The following AXIN1 variants were observed in gnomAD, a reference collection of about 807,000 sequenced individuals.
AXIN1 encodes the protein axin-1.
Under a neutral mutation model 76.4 loss-of-function variants are expected in AXIN1, and 30 were observed. That is an observed-to-expected ratio of 0.39 (90% CI 0.29 to 0.53). The LOEUF is 0.53. AXIN1 is among the 20% of genes least tolerant of loss of function. AXIN1 has a pLI of 0.66. For synonymous variants in AXIN1, 545 were observed against 501.4 expected (o/e 1.09, Z -1.16); for missense variants, 1,140 against 1,198.8 (o/e 0.95, Z 0.72).
At chr16:347,575 A>G (rs1408881128) in intron 1 of AXIN1, among the ~76,000 whole-genome samples, 1 of 152,226 alleles carries the variant, frequency 6.6e-6, no homozygotes, top group African/African-American at 2.4e-5. Context: ...TCAGAGAGAA[A>G]GGAAGGTGCG....
At chr16:352,073 A>C (rs1350461693) in intron 1 of AXIN1, among the ~76,000 whole-genome samples, 1 of 151,032 alleles carries the variant, frequency 6.6e-6, no homozygotes, top group East Asian at 2.0e-4. Flanking sequence ...GGACAGCCGG[A>C]CTCCCGCCGA....
chr16:345,261 A>G (rs1021094861), intron 2 of AXIN1, among the ~76,000 whole-genome samples: 19 of 152,108 alleles, frequency 1.2e-4, no homozygotes. Flanking sequence ...GGACTACACA[A>G]CAGCACCAAC....
chr16:311,282 G>A (rs1030265846), intron 3 of AXIN1, among the ~76,000 whole-genome samples: 4 of 151,540 alleles, frequency 2.6e-5, no homozygotes, highest in East Asian at 2.0e-4. Context: ...CGCCTGCCTC[G>A]GCCTCCCAAA....
At position 324,368 on chromosome 16, in the gene AXIN1, G is replaced by A. The variant is rs145826757; in HGVS notation, c.879-9685C>T. Among the ~76,000 whole-genome samples the A allele has an allele frequency of 2.6e-3, 402 of 152,288 alleles. 6 individuals are homozygous for A. The highest frequency in any genetic ancestry group is 8.9e-3 in the African/African-American group (371 of 41,554). On this transcript the variant is annotated intron_variant, in intron 2 of 10. Transcript: ENST00000262320. ...GGCCGGAATGCGGGTGCATAGAAACGGCTGGAAGCAGCGCAGGGCAGAAGC... is the reference window on the plus strand; with the variant it reads ...GGCCGGAATGCGGGTGCATAGAAACAGCTGGAAGCAGCGCAGGGCAGAAGC...
At chr16:315,956 G>A (rs1478530437) in intron 2 of AXIN1, among the ~76,000 whole-genome samples, 1 of 152,052 alleles carries the variant, frequency 6.6e-6, no homozygotes, top group Admixed American at 6.6e-5. Flanking sequence ...GGGAGGCTGA[G>A]GCAAGAGAAT....
At chr16:338,412 T>G (rs547216335) in intron 2 of AXIN1, among the ~76,000 whole-genome samples, 1 of 152,208 alleles carries the variant, frequency 6.6e-6, no homozygotes, top group African/African-American at 2.4e-5. Context: ...CCACTGGCTG[T>G]CTGCAAAGTG....
chr16:351,594 T>C (rs539421493), intron 1 of AXIN1, among the ~76,000 whole-genome samples: 4 of 149,304 alleles, frequency 2.7e-5, no homozygotes, highest in South Asian at 2.1e-4. Context: ...TGGGCTACAG[T>C]GCGAGACTCC....
chr16:313,340 C>T (rs1483786118), intron 3 of AXIN1, among the ~76,000 whole-genome samples: 8 of 152,154 alleles, frequency 5.3e-5, no homozygotes, highest in African/African-American at 1.4e-4. Flanking sequence ...ACAGTGGGAC[C>T]ATCACTTAAA....
chr16:297,347 G>A (rs960283659), intron 6 of AXIN1, 121 bp from the exon 7 acceptor site: 3 of 1,325,086 alleles, frequency 2.3e-6, no homozygotes, highest in Non-Finnish European at 3.2e-6. Flanking sequence ...GCCGCCCGCT[G>A]TCCCCTGCCC....
chr16:295,679 C>T (rs1038170949), intron 7 of AXIN1, among the ~76,000 whole-genome samples: 25 of 152,190 alleles, frequency 1.6e-4, no homozygotes, highest in African/African-American at 4.1e-4. Flanking sequence ...AAAAAGGATT[C>T]GGCCGGGCAC....
intron 4 of AXIN1, among the ~76,000 whole-genome samples, chr16:304,901 TCCC>T (rs2052978173): frequency 6.6e-6 from 1 of 152,138 alleles, no homozygotes; most frequent in South Asian, 2.1e-4. Context: ...TTCCTCACGG[TCCC>T]CCTTTTCGTG....
At chr16:321,090 A>G (rs911439059) in intron 2 of AXIN1, among the ~76,000 whole-genome samples, 1 of 152,160 alleles carries the variant, frequency 6.6e-6, no homozygotes, top group African/African-American at 2.4e-5. Flanking sequence ...TGCCACCCAG[A>G]ACATGGGAAG....
chr16:304,581 C>A, intron 4 of AXIN1, 140 bp from the exon 5 acceptor site: 1 of 1,355,568 alleles, frequency 7.4e-7, no homozygotes, highest in Non-Finnish European at 1.0e-6. Context: ...GTCACCCAGG[C>A]TGGAGTGCAA....
chr16:303,294 A>C (rs1181752994), intron 5 of AXIN1, among the ~76,000 whole-genome samples: 2 of 152,194 alleles, frequency 1.3e-5, no homozygotes, highest in East Asian at 3.9e-4. Context: ...AGCGGGGAGG[A>C]GCCAGGCCCC....
At chr16:320,743 A>ATATATATATTTTT (rs397722732) in intron 2 of AXIN1, among the ~76,000 whole-genome samples, 4 of 107,628 alleles carry the variant, frequency 3.7e-5, no homozygotes, top group African/African-American at 1.8e-4. Flanking sequence ...ATATATATAT[A>ATATATATATTTTT]TTTTTTTTTT....
In AXIN1 at chr16:304,325, C is replaced by T. The variant is rs771879379; in HGVS notation, c.1233G>A (p.Glu411=). ...TCACCATGCGCACGCGCTTCAGCCG[C>T]TCCTCCAGCTTCTCCTCGGCCTCCC... is the stretch of plus-strand genomic sequence containing the variant. ...RTREAEEKLE[E]RLKRVRMEEE... Residue 411 remains glutamate, a synonymous_variant, in exon 5 of 11, where the codon GAG becomes GAA. Coordinates refer to ENST00000262320, the MANE Select transcript of AXIN1 (RefSeq NM_003502.4). The T allele has an allele frequency of 5.6e-6, 9 of 1,612,284 alleles. No homozygotes were observed. The South Asian group carries it at 9.9e-5, about 18-fold the overall frequency.
At chr16:324,164 G>T (rs1274301655) in intron 2 of AXIN1, among the ~76,000 whole-genome samples, 1 of 141,292 alleles carries the variant, frequency 7.1e-6, no homozygotes, top group Non-Finnish European at 1.5e-5. Flanking sequence ...GGGCAGATCT[G>T]GGGCCAAGTG....
chr16:344,473 T>C (rs1241233075), intron 2 of AXIN1, among the ~76,000 whole-genome samples: 1 of 141,582 alleles, frequency 7.1e-6, no homozygotes, highest in Non-Finnish European at 1.6e-5. Flanking sequence ...ACAATCCTTT[T>C]TTGTTTTTTT....
At chr16:336,685 C>T (rs758079923) in intron 2 of AXIN1, among the ~76,000 whole-genome samples, 1 of 151,570 alleles carries the variant, frequency 6.6e-6, no homozygotes, top group Non-Finnish European at 1.5e-5. Context: ...GGTGTGGTGG[C>T]GCATGTCTGT....
Sources: allele counts gnomAD v4.1 joint callset (sites outside exome capture counted in the v4.1 genomes callset), GRCh38; gene constraint gnomAD v4.1.1; transcripts MANE v1.5; gene names NCBI Gene and HGNC (gene_info 2026-07-23, HGNC 2026-07-21).